XPR1: variants seen among roughly 807,000 people sequenced by gnomAD.
XPR1 encodes the protein solute carrier family 53 member 1.
XPR1 carries 28 observed loss-of-function variants against 87.5 expected under a neutral mutation model. The observed-to-expected ratio is 0.32, with a 90% CI of 0.24 to 0.44. XPR1 has a LOEUF of 0.44. Among genes scored for constraint, XPR1 ranks in the 20% least tolerant of loss-of-function variants. The pLI is 1.00. For missense variants in XPR1, 559 were observed against 862.3 expected (o/e 0.65, Z 4.41); for synonymous variants, 300 against 306.1 (o/e 0.98, Z 0.21).
At chr1:180,633,737 T>C (rs1403466499) in intron 1 of XPR1, among the ~76,000 whole-genome samples, 2 of 152,246 alleles carry the variant, frequency 1.3e-5, no homozygotes, top group Non-Finnish European at 2.9e-5. Context: ...AGTTGATTTA[T>C]TGTTTCTAAT....
rs530411152 is a variant in XPR1, at chr1:180,834,348, G to C, written c.1135-526G>C. 8.5e-5 allele frequency among the ~76,000 whole-genome samples: 13 copies of C among 152,288 alleles called. No homozygotes were observed. In the East Asian group the frequency reaches 2.5e-3, roughly 29 times the overall value. On this transcript the variant is annotated intron_variant, in intron 9 of 14. Transcript: ENST00000367590. The stretch of plus-strand genomic sequence containing the variant: ...CCACCTTGGCCTCCCAAAGTGCTGG[G>C]ATTACAGGTGTGAGTCACCACACCC...
intron 1 of XPR1, among the ~76,000 whole-genome samples, chr1:180,657,208 G>A (rs1655563003): frequency 6.6e-6 from 1 of 151,900 alleles, no homozygotes; most frequent in African/African-American, 2.4e-5. Context: ...TTCCTATAGA[G>A]TTATTATAGG....
intron 3 of XPR1, among the ~76,000 whole-genome samples, chr1:180,790,690 C>T (rs898489133): frequency 6.6e-6 from 1 of 152,126 alleles, no homozygotes; most frequent in Non-Finnish European, 1.5e-5. Flanking sequence ...CAGGCACCCA[C>T]CACCATGCCC....
chr1:180,834,462 G>A (rs865852858), intron 9 of XPR1, among the ~76,000 whole-genome samples: 27 of 152,288 alleles, frequency 1.8e-4, no homozygotes, highest in African/African-American at 6.3e-4. Flanking sequence ...AAAAATGTGA[G>A]ATCAAAATCT....
In XPR1 at chr1:180,680,406, G is replaced by A. The variant is rs185919124; in HGVS notation, c.70-1954G>A. On this transcript the variant is annotated intron_variant, in intron 1 of 14. Coordinates refer to ENST00000367590, the MANE Select transcript of XPR1 (RefSeq NM_004736.4). ...TTGTGAGGTGGAGTCTCGCTCTGTC[G>A]CCAGACTGGGATGCAGTGGTGCGAT... 1.2e-4 allele frequency among the ~76,000 whole-genome samples: 15 copies of A among 120,820 alleles called. No homozygotes were observed. In the East Asian group the frequency reaches 3.8e-3, roughly 30 times the overall value. The allele number at this position is 120,820 out of a possible 152,430, so 79.3% of individuals were successfully genotyped here.
chr1:180,706,427 A>G (rs533520626), intron 2 of XPR1, among the ~76,000 whole-genome samples: 17 of 152,302 alleles, frequency 1.1e-4, no homozygotes, highest in African/African-American at 3.9e-4. Flanking sequence ...TTAGAGCCAT[A>G]TGCTCCCTTC....
chr1:180,826,286 C>T (rs971846714), intron 9 of XPR1, among the ~76,000 whole-genome samples: 1 of 151,954 alleles, frequency 6.6e-6, no homozygotes, highest in African/African-American at 2.4e-5. Context: ...TACAGTCGCT[C>T]ATGCCTATAA....
At chr1:180,837,768 TTTAACTC>T (rs1270893877) in intron 11 of XPR1, among the ~76,000 whole-genome samples, 1 of 152,154 alleles carries the variant, frequency 6.6e-6, no homozygotes, top group African/African-American at 2.4e-5. Context: ...TTCCCATAAT[TTTAACTC>T]ATACTGTGGA....
chr1:180,838,863 C>T (rs1651403097), intron 11 of XPR1, among the ~76,000 whole-genome samples: 1 of 152,084 alleles, frequency 6.6e-6, no homozygotes, highest in Non-Finnish European at 1.5e-5. Context: ...TTATTTCTGT[C>T]ACTAAGAGAT....
At chr1:180,848,088 A>G (rs977373976) in intron 11 of XPR1, among the ~76,000 whole-genome samples, 2 of 152,186 alleles carry the variant, frequency 1.3e-5, no homozygotes, top group African/African-American at 2.4e-5. Context: ...ATACATATTT[A>G]TAGGGTACAT....
At chr1:180,660,581 T>A (rs1387919226) in intron 1 of XPR1, among the ~76,000 whole-genome samples, 1 of 148,904 alleles carries the variant, frequency 6.7e-6, no homozygotes, top group Non-Finnish European at 1.5e-5. Flanking sequence ...TTTTCCCTTT[T>A]CTTCTTAATC....
At chr1:180,861,931 A>G (rs1029197426) in intron 11 of XPR1, among the ~76,000 whole-genome samples, 1 of 152,132 alleles carries the variant, frequency 6.6e-6, no homozygotes. Context: ...CAGTATTTCC[A>G]TCATGCAAGT....
chr1:180,642,506 A>T (rs1654991873), intron 1 of XPR1, among the ~76,000 whole-genome samples: 1 of 152,100 alleles, frequency 6.6e-6, no homozygotes, highest in Admixed American at 6.6e-5. Context: ...GGCATTTTAC[A>T]TTTAATCCTT....
intron 2 of XPR1, among the ~76,000 whole-genome samples, chr1:180,704,057 C>T (rs1392364428): frequency 6.6e-6 from 1 of 151,058 alleles, no homozygotes; most frequent in African/African-American, 2.4e-5. Context: ...AAGAAACTGG[C>T]TTATTCAGGT....
Position 180,806,479 on chromosome 1 carries a change from A to G in XPR1, c.603A>G (p.Val201=). The part of the protein sequence containing the change: ...INQLISETEA[V]VTNELEDGDR... ...GTAATAATTTGTCTTTCTAGGCTGT[A>G]GTGACCAATGAACTTGAAGATGGTG... Residue 201 remains valine, a synonymous_variant, in exon 6 of 15, where the codon GTA becomes GTG. Transcript: ENST00000367590. 6.2e-7 allele frequency: 1 copy of G among 1,613,494 alleles called. No individual in the cohort carries two copies. The highest frequency in any genetic ancestry group is 8.5e-7 in the Non-Finnish European group (1 of 1,179,568).
intron 11 of XPR1, among the ~76,000 whole-genome samples, chr1:180,856,867 C>T (rs982077764): frequency 2.0e-5 from 3 of 152,206 alleles, no homozygotes; most frequent in Non-Finnish European, 4.4e-5. Flanking sequence ...CCCAAAGATA[C>T]CTAGAGCTGC....
At chr1:180,783,493 A>G (rs557776192) in intron 2 of XPR1, among the ~76,000 whole-genome samples, 1 of 152,122 alleles carries the variant, frequency 6.6e-6, no homozygotes, top group East Asian at 1.9e-4. Flanking sequence ...CTCCCCTTTC[A>G]AAGGAGGTAA....
intron 2 of XPR1, among the ~76,000 whole-genome samples, chr1:180,684,184 T>A (rs1437351540): frequency 6.6e-6 from 1 of 152,258 alleles, no homozygotes; most frequent in African/African-American, 2.4e-5. Context: ...TTTCTACATA[T>A]GGCTAGCCAG....
At chr1:180,879,944 T>C (rs1652795523) in intron 13 of XPR1, 132 bp from the exon 14 acceptor site, 2 of 920,798 alleles carry the variant, frequency 2.2e-6, no homozygotes, top group South Asian at 1.7e-5. Flanking sequence ...CATCTTTCCC[T>C]ATTTTAATAT....
Sources: allele counts gnomAD v4.1 joint callset (sites outside exome capture counted in the v4.1 genomes callset), GRCh38; gene constraint gnomAD v4.1.1; transcripts MANE v1.5; gene names NCBI Gene and HGNC (gene_info 2026-07-23, HGNC 2026-07-21).